The following SPIN1 variants were observed in gnomAD, a reference collection of about 807,000 sequenced individuals.
SPIN1 encodes the protein spindlin 1.
SPIN1 carries 3 observed loss-of-function variants against 26.0 expected under a neutral mutation model. That is an observed-to-expected ratio of 0.12 (90% confidence interval 0.05 to 0.30). The LOEUF is 0.30. Among genes scored for constraint, SPIN1 ranks in the 10% least tolerant of loss-of-function variants. The probability of loss-of-function intolerance (pLI) is 1.00; values close to 1 mark genes in which losing one functional copy is unlikely to be tolerated. For synonymous variants in SPIN1, 101 were observed against 116.5 expected, an observed-to-expected ratio of 0.87 and a Z score of 0.86; for missense variants, 126 against 333.4, an observed-to-expected ratio of 0.38 and a Z score of 4.84.
chr9:88,446,408 GTT>G (rs372052401), intron 2 of SPIN1, among the ~76,000 whole-genome samples: 65 of 129,756 alleles, frequency 5.0e-4, no homozygotes, highest in Non-Finnish European at 4.6e-4. Context: ...TTGGTTTGCT[GTT>G]TTTTTTTTTT....
At chr9:88,459,768 C>T (rs558238079) in intron 3 of SPIN1, among the ~76,000 whole-genome samples, 5 of 152,322 alleles carry the variant, frequency 3.3e-5, no homozygotes, top group African/African-American at 1.2e-4. Context: ...AGCTCATTGT[C>T]ATATAACTTT....
chr9:88,408,192 G>A (rs1271258696), intron 1 of SPIN1, among the ~76,000 whole-genome samples: 1 of 150,682 alleles, frequency 6.6e-6, no homozygotes, highest in African/African-American at 2.4e-5. Context: ...AGGTTTTATT[G>A]AACCCATGGT....
At chr9:88,404,705 C>T (rs758563641) in intron 1 of SPIN1, among the ~76,000 whole-genome samples, 1 of 152,042 alleles carries the variant, frequency 6.6e-6, no homozygotes, top group South Asian at 2.1e-4. Flanking sequence ...CACCTGAGGT[C>T]AGGAGTTCAA....
At chr9:88,414,965 A>G (rs1398257190) in intron 1 of SPIN1, among the ~76,000 whole-genome samples, 1 of 152,064 alleles carries the variant, frequency 6.6e-6, no homozygotes, top group African/African-American at 2.4e-5. Context: ...GTGCAGTGGC[A>G]TGATCTCGGC....
At chr9:88,397,307 G>C (rs1827086616) in intron 1 of SPIN1, among the ~76,000 whole-genome samples, 1 of 151,996 alleles carries the variant, frequency 6.6e-6, no homozygotes, top group Admixed American at 6.6e-5. Flanking sequence ...AATGTCATTA[G>C]GTGGTGCATG....
At position 88,440,125 on chromosome 9, in the gene SPIN1, T is replaced by C. The variant is rs190544605; in HGVS notation, c.53-8816T>C. On this transcript the variant is annotated intron_variant, in intron 2 of 5. Coordinates refer to ENST00000375859, the MANE Select transcript of SPIN1 (RefSeq NM_006717.3). Reference sequence around the variant, plus strand: ...ATATGATTCCACCTTTTTCCCTTCCTTAGCATATCAAGGATATTTTTTGTT... The same window carrying C: ...ATATGATTCCACCTTTTTCCCTTCCCTAGCATATCAAGGATATTTTTTGTT... Among the ~76,000 whole-genome samples, 189 of 151,866 alleles carry C rather than the reference T, an allele frequency of 1.2e-3. 2 individuals are homozygous for C. The highest frequency in any genetic ancestry group is 4.3e-3 in the African/African-American group (179 of 41,494).
chr9:88,417,305 T>C (rs1314440615), intron 1 of SPIN1, among the ~76,000 whole-genome samples: 1 of 152,174 alleles, frequency 6.6e-6, no homozygotes, highest in Non-Finnish European at 1.5e-5. Flanking sequence ...ATCAAATGTG[T>C]GTGGGTTTTC....
chr9:88,412,891 C>A (rs1206008666), intron 1 of SPIN1, among the ~76,000 whole-genome samples: 1 of 151,932 alleles, frequency 6.6e-6, no homozygotes, highest in African/African-American at 2.4e-5. Flanking sequence ...ACTATGTTGG[C>A]CAGGCTGGTC....
chr9:88,409,252 C>T (rs1448024747), intron 1 of SPIN1, among the ~76,000 whole-genome samples: 2 of 151,892 alleles, frequency 1.3e-5, no homozygotes, highest in Admixed American at 6.6e-5. Flanking sequence ...GCCTCGGCCT[C>T]CCAAAGTGCT....
intron 2 of SPIN1, among the ~76,000 whole-genome samples, chr9:88,437,483 G>A (rs1250794884): frequency 2.0e-5 from 3 of 151,030 alleles, no homozygotes; most frequent in Admixed American, 6.6e-5. Flanking sequence ...GGGCAACAGA[G>A]TAAGACCCTG....
At chr9:88,454,620 GT>G (rs1828433217) in intron 3 of SPIN1, among the ~76,000 whole-genome samples, 1 of 152,110 alleles carries the variant, frequency 6.6e-6, no homozygotes, top group African/African-American at 2.4e-5. Context: ...AAAATATAGA[GT>G]AGTGTATCAT....
At chr9:88,407,726 A>C (rs1385596845) in intron 1 of SPIN1, among the ~76,000 whole-genome samples, 2 of 150,592 alleles carry the variant, frequency 1.3e-5, no homozygotes, top group Non-Finnish European at 3.0e-5. Context: ...GTAAACTGTC[A>C]AGTTTTAAAA....
At chr9:88,469,290 C>T (rs1024418380) in intron 5 of SPIN1, among the ~76,000 whole-genome samples, 1 of 152,222 alleles carries the variant, frequency 6.6e-6, no homozygotes, top group Non-Finnish European at 1.5e-5. Flanking sequence ...TTTGCCGCTG[C>T]TCACCTCCTG....
chr9:88,457,076 A>G (rs1828487347), intron 3 of SPIN1, among the ~76,000 whole-genome samples: 1 of 152,232 alleles, frequency 6.6e-6, no homozygotes, highest in African/African-American at 2.4e-5. Context: ...GAATTGATCT[A>G]GAAGTGCTAG....
At chr9:88,404,168 G>A (rs1827247538) in intron 1 of SPIN1, among the ~76,000 whole-genome samples, 1 of 152,190 alleles carries the variant, frequency 6.6e-6, no homozygotes, top group South Asian at 2.1e-4. Context: ...CTGTATTAGG[G>A]CACTTACCAT....
intron 1 of SPIN1, chr9:88,391,568 A>G (rs1826920345): frequency 6.6e-6 from 1 of 152,200 alleles, no homozygotes; most frequent in Non-Finnish European, 1.5e-5. Flanking sequence ...CTTTCTGCAT[A>G]GGTAGCAGCG....
At chr9:88,396,121 C>T (rs946295685) in intron 1 of SPIN1, among the ~76,000 whole-genome samples, 1 of 151,416 alleles carries the variant, frequency 6.6e-6, no homozygotes, top group African/African-American at 2.4e-5. Context: ...TGGTGGCCTG[C>T]GCCTGTAATC....
At chr9:88,407,823 T>C (rs11142284) in intron 1 of SPIN1, among the ~76,000 whole-genome samples, 28,645 of 150,428 alleles carry the variant, frequency 0.19, 3,608 homozygotes, top group African/African-American at 0.36. Context: ...TGCAGTTGTA[T>C]GATCTCGACT....
At chr9:88,465,882 G>A (rs1828657924) in intron 4 of SPIN1, among the ~76,000 whole-genome samples, 1 of 152,170 alleles carries the variant, frequency 6.6e-6, no homozygotes, top group Non-Finnish European at 1.5e-5. Flanking sequence ...TGAACTGAAA[G>A]AGCAGATCAT....
Sources: allele counts gnomAD v4.1 joint callset (sites outside exome capture counted in the v4.1 genomes callset), GRCh38; gene constraint gnomAD v4.1.1; transcripts MANE v1.5; gene names NCBI Gene and HGNC (gene_info 2026-07-23, HGNC 2026-07-21).